The following DYNC2H1 variants were observed in gnomAD, a reference collection of about 807,000 sequenced individuals.
DYNC2H1 encodes the protein dynein cytoplasmic 2 heavy chain 1, also known as cytoplasmic dynein 2 heavy chain 1.
Under a neutral mutation model 570.0 loss-of-function variants are expected in DYNC2H1, and 410 were observed. That is an observed-to-expected ratio of 0.72 (90% CI 0.66 to 0.78). The LOEUF (loss-of-function observed/expected upper bound fraction) is 0.78, where lower values mean the gene tolerates loss of function less well. DYNC2H1 is among the 30% of genes least tolerant of loss of function. The probability of loss-of-function intolerance (pLI) is 0.00; values close to 1 mark genes in which losing one functional copy is unlikely to be tolerated. For missense variants in DYNC2H1, 4,865 were observed against 5,046.4 expected, an observed-to-expected ratio of 0.96 and a Z score of 1.09; for synonymous variants, 1,688 against 1,677.6, an observed-to-expected ratio of 1.01 and a Z score of -0.15.
chr11:103,426,711 A>G (rs1027673920), intron 84 of DYNC2H1, among the ~76,000 whole-genome samples: 1 of 152,150 alleles, frequency 6.6e-6, no homozygotes, highest in Admixed American at 6.6e-5. Context: ...TAGCTGGCTA[A>G]TTTAGTATCA....
At chr11:103,389,171 A>T (rs1232201397) in intron 83 of DYNC2H1, among the ~76,000 whole-genome samples, 1 of 152,162 alleles carries the variant, frequency 6.6e-6, no homozygotes, top group African/African-American at 2.4e-5. Flanking sequence ...CTATTGCCTC[A>T]ATTTCAGATG....
chr11:103,417,309 G>T (rs1442728625), intron 84 of DYNC2H1, among the ~76,000 whole-genome samples: 1 of 151,778 alleles, frequency 6.6e-6, no homozygotes, highest in African/African-American at 2.4e-5. Flanking sequence ...CACCATGTTG[G>T]TCAGGATGGT....
At chr11:103,323,255 G>A (rs915035161) in intron 81 of DYNC2H1, among the ~76,000 whole-genome samples, 2 of 152,174 alleles carry the variant, frequency 1.3e-5, no homozygotes, top group Non-Finnish European at 2.9e-5. Context: ...AGTAACTGTT[G>A]AAATGAATGC....
chr11:103,121,294 T>C (rs1387806224), intron 9 of DYNC2H1, 78 bp from the exon 10 acceptor site: 1 of 1,456,584 alleles, frequency 6.9e-7, no homozygotes, highest in African/African-American at 1.4e-5. Context: ...GCATCTGACA[T>C]AGTGCTTGGT....
At position 103,156,450 on chromosome 11, in the gene DYNC2H1, T is replaced by C. The variant is rs373847672; in HGVS notation, c.3807T>C (p.Leu1269=). The C allele has an allele frequency of 2.1e-5, 34 of 1,613,550 alleles. No homozygotes were observed. The highest frequency in any genetic ancestry group is 2.8e-5 in the Non-Finnish European group (33 of 1,179,722). ...GAGAAGCTTTACGTGAACTTGATCT[T>C]TGGGGAGTTGGAGCAGTGTTTACAT... ...TIREALRELD[L]WGVGAVFTLI... is the part of the protein sequence containing the mutation. Residue 1269 remains leucine, a synonymous_variant, in exon 26 of 89, where the codon CTT becomes CTC. Coordinates refer to ENST00000375735, the MANE Select transcript of DYNC2H1 (RefSeq NM_001377.3).
Position 103,197,987 on chromosome 11 carries a change from C to G in DYNC2H1, c.7763C>G (p.Pro2588Arg). ...CATAATTCAGGAGCAAGGGCAGCCC[C>G]AGGACAACCATTACCTCCACATGGA... ...ARHNSGARAAPGQPLPPHGKP... is the reference protein window; with the variant it reads ...ARHNSGARAARGQPLPPHGKP... Residue 2588 changes from proline (P) to arginine (R), a missense_variant, in exon 48 of 89, where the codon CCA (proline) becomes CGA (arginine). Pro to Arg is a moderately radical substitution (Grantham distance 103, BLOSUM62 -2). Around this residue, in one of 5 missense-constraint regions of DYNC2H1, gnomAD observed 2,401 missense variants for 2,454.6 expected, o/e 0.98. Coordinates refer to ENST00000375735, the MANE Select transcript of DYNC2H1 (RefSeq NM_001377.3). 1 of 1,565,734 alleles carries G rather than the reference C, an allele frequency of 6.4e-7. No individual in the cohort carries two copies. Among genetic ancestry groups the G allele is most frequent in the Non-Finnish European group, 8.7e-7 (1 of 1,154,280 alleles).
intron 83 of DYNC2H1, among the ~76,000 whole-genome samples, chr11:103,385,943 G>A (rs1294340919): frequency 1.3e-5 from 2 of 152,038 alleles, no homozygotes; most frequent in Non-Finnish European, 1.5e-5. Flanking sequence ...TAAGGCCTGG[G>A]GCAAGAAGGT....
chr11:103,381,171 A>G (rs1460867958), intron 83 of DYNC2H1, among the ~76,000 whole-genome samples: 2 of 152,200 alleles, frequency 1.3e-5, no homozygotes, highest in South Asian at 4.1e-4. Context: ...TCTAAGAGCA[A>G]GGTGGGTGGG....
intron 83 of DYNC2H1, among the ~76,000 whole-genome samples, chr11:103,391,992 C>G (rs11225761): frequency 6.6e-6 from 1 of 152,142 alleles, no homozygotes; most frequent in Non-Finnish European, 1.5e-5. Context: ...TCTCAAACTC[C>G]GTGCTGGGAG....
chr11:103,345,754 A>G (rs1321316886), intron 82 of DYNC2H1, among the ~76,000 whole-genome samples: 1 of 152,170 alleles, frequency 6.6e-6, no homozygotes, highest in African/African-American at 2.4e-5. Flanking sequence ...AAGTAAATAG[A>G]TTACTCTGGC....
At position 103,472,713 on chromosome 11, in the gene DYNC2H1, A is replaced by T. The variant is rs550312390; in HGVS notation, c.12765+4008A>T. Among the ~76,000 whole-genome samples, 3 of 152,328 alleles carry T rather than the reference A, an allele frequency of 2.0e-5. No individual in the cohort carries two copies. Among genetic ancestry groups the T allele is most frequent in the South Asian group, 2.1e-4 (1 of 4,832 alleles). ...TACAAGATATTAAGCTTTAAAAAAA[A>T]TTTTGAAATAGGAATTGTAATCTCC... is the stretch of plus-strand genomic sequence containing the variant. On this transcript the variant is annotated intron_variant, in intron 88 of 88. Transcript: ENST00000375735. This position sits in a 1 kb window ranked among gnomAD's most constrained non-coding sequence, Gnocchi z 4.1.
At chr11:103,284,258 C>T (rs937532856) in intron 73 of DYNC2H1, among the ~76,000 whole-genome samples, 1 of 152,120 alleles carries the variant, frequency 6.6e-6, no homozygotes, top group Non-Finnish European at 1.5e-5. Context: ...TATAAATTTC[C>T]ACTTGCCTAT....
At chr11:103,154,359 A>T (rs1252653052) in intron 22 of DYNC2H1, 92 bp from the exon 23 acceptor site, 7 of 1,100,330 alleles carry the variant, frequency 6.4e-6, no homozygotes, top group African/African-American at 1.6e-5. Context: ...GTGTACACAC[A>T]TACAAGGATT....
chr11:103,186,221 T>G lies in DYNC2H1; in HGVS notation c.6634-21T>G, dbSNP rs776571096. 1 of 1,599,216 alleles carries G rather than the reference T, an allele frequency of 6.3e-7. No homozygotes were observed. Among genetic ancestry groups the G allele is most frequent in the Non-Finnish European group, 8.5e-7 (1 of 1,171,066 alleles). On this transcript the variant is annotated intron_variant, in intron 41 of 88. Coordinates refer to ENST00000375735, the MANE Select transcript of DYNC2H1 (RefSeq NM_001377.3). This position sits in a 1 kb window ranked among gnomAD's most constrained non-coding sequence, Gnocchi z 4.5. Reference sequence around the variant, plus strand: ...ACACTCTGGAGTATGTGAAAACTTATCACAATTTTTTCCTCTTAAGGTTTT... The same window carrying G: ...ACACTCTGGAGTATGTGAAAACTTAGCACAATTTTTTCCTCTTAAGGTTTT...
chr11:103,143,199 CCTATT>C, intron 17 of DYNC2H1, 64 bp from the exon 18 acceptor site: 2 of 1,510,384 alleles, frequency 1.3e-6, no homozygotes, highest in Non-Finnish European at 1.8e-6. Flanking sequence ...ATAGTTGAAT[CCTATT>C]CTATTATATG....
At chr11:103,445,737 T>C (rs1449319005) in intron 85 of DYNC2H1, among the ~76,000 whole-genome samples, 6 of 152,154 alleles carry the variant, frequency 3.9e-5, no homozygotes, top group South Asian at 2.1e-4. Flanking sequence ...TTGCAAGCTC[T>C]GCCTCCTGGG....
rs1434200110 is a variant in DYNC2H1, at chr11:103,179,364, G to A, written c.6347+131G>A. On this transcript the variant is annotated intron_variant, in intron 39 of 88. Transcript: ENST00000375735. ...CCCATTTATGATTAACTTCTTTTTT[G>A]TTAGGTTTTAATTAATTCAGAGAGT... 4 of 799,336 alleles carry A rather than the reference G, an allele frequency of 5.0e-6. No homozygotes were observed. The East Asian group carries it at 1.2e-4, about 23-fold the overall frequency. 49.5% of individuals were successfully genotyped at this position (799,336 alleles called of 1,614,324 possible).
chr11:103,370,706 T>C (rs1941111149), intron 83 of DYNC2H1, among the ~76,000 whole-genome samples: 1 of 152,154 alleles, frequency 6.6e-6, no homozygotes, highest in Non-Finnish European at 1.5e-5. Flanking sequence ...CTTCCAGATC[T>C]AGTCCAAGAC....
At chr11:103,380,439 A>G (rs1941594641) in intron 83 of DYNC2H1, among the ~76,000 whole-genome samples, 2 of 152,244 alleles carry the variant, frequency 1.3e-5, no homozygotes, top group Non-Finnish European at 2.9e-5. Context: ...GATTATACCA[A>G]TACACACACA....
Sources: allele counts gnomAD v4.1 joint callset (sites outside exome capture counted in the v4.1 genomes callset), GRCh38; gene constraint gnomAD v4.1.1; regional missense constraint gnomAD v4.1.1; non-coding constraint Gnocchi (gnomAD v3.1); transcripts MANE v1.5; gene names NCBI Gene and HGNC (gene_info 2026-07-23, HGNC 2026-07-21).